Variants in PLA2G4C observed in about 807,000 individuals in gnomAD.
PLA2G4C encodes cytosolic phospholipase A2 gamma.
PLA2G4C carries 64 observed loss-of-function variants against 73.8 expected under a neutral mutation model. That is an observed-to-expected ratio of 0.87 (90% CI 0.71 to 1.07). The LOEUF (loss-of-function observed/expected upper bound fraction) is 1.07, where lower values mean the gene tolerates loss of function less well. Among genes scored for constraint, PLA2G4C ranks in the 50% least tolerant of loss-of-function variants. The pLI, the probability that PLA2G4C is intolerant of heterozygous loss-of-function variation, is 0.00. For synonymous variants in PLA2G4C, 254 were observed against 252.1 expected (o/e 1.01, Z -0.07); for missense variants, 622 against 665.4 (o/e 0.93, Z 0.72).
intron 3 of PLA2G4C, 118 bp downstream of exon 3, chr19:48,105,215 A>G (rs1653554): frequency 0.23 from 154,912 of 676,780 alleles, 24,883 homozygotes; most frequent in African/African-American, 0.67. Flanking sequence ...TTCTATTTCT[A>G]TCCCATAGAA....
chr19:48,101,127 T>TATATATATATATA (rs1491266778), intron 4 of PLA2G4C, among the ~76,000 whole-genome samples: 1 of 43,352 alleles, frequency 2.3e-5, no homozygotes, highest in African/African-American at 1.5e-4. Flanking sequence ...TATATATATA[T>TATATATATATATA]TTTTTTTTTT....
intron 12 of PLA2G4C, among the ~76,000 whole-genome samples, chr19:48,071,351 C>A (rs943700359): frequency 1.3e-5 from 2 of 151,962 alleles, no homozygotes; most frequent in African/African-American, 4.8e-5. Context: ...AGTGCAATGG[C>A]GTGATCTCAG....
At chr19:48,078,889 A>G (rs1221849366) in intron 10 of PLA2G4C, among the ~76,000 whole-genome samples, 1 of 72,174 alleles carries the variant, frequency 1.4e-5, no homozygotes, top group South Asian at 4.7e-4. Flanking sequence ...TTTTTTTTTG[A>G]GACTTAGTCT....
At chr19:48,056,644 A>C (rs367882786) in intron 14 of PLA2G4C, among the ~76,000 whole-genome samples, 5 of 151,594 alleles carry the variant, frequency 3.3e-5, no homozygotes, top group East Asian at 1.9e-4. Context: ...CATCCTGGCT[A>C]ACACAGTGAA....
At chr19:48,095,642 A>C (rs1386255297) in intron 6 of PLA2G4C, 38 bp from the exon 7 acceptor site, 1 of 1,609,790 alleles carries the variant, frequency 6.2e-7, no homozygotes, top group African/African-American at 1.3e-5. Flanking sequence ...GTCCCAGCAC[A>C]GAACCAGGAA....
intron 6 of PLA2G4C, 134 bp from the exon 7 acceptor site, chr19:48,095,738 C>G: frequency 1.1e-6 from 1 of 921,480 alleles, no homozygotes; most frequent in Non-Finnish European, 1.7e-6. Flanking sequence ...TGTGTGGTAT[C>G]AGAAACCACT....
chr19:48,077,351 A>AAAAT, intron 11 of PLA2G4C, among the ~76,000 whole-genome samples: 1 of 152,026 alleles, frequency 6.6e-6, no homozygotes, highest in Non-Finnish European at 1.5e-5. Context: ...CAGCTGCAAA[A>AAAAT]AAATAAAATA....
chr19:48,095,721 G>T, intron 6 of PLA2G4C, 117 bp from the exon 7 acceptor site: 1 of 1,079,226 alleles, frequency 9.3e-7, no homozygotes. Context: ...GAATGTTAGA[G>T]ATGGACTGTG....
Position 48,095,575 on chromosome 19 carries a change from C to A in PLA2G4C, c.598G>T (p.Ala200Ser). The A allele has an allele frequency of 6.2e-7, 1 of 1,613,964 alleles. No individual in the cohort carries two copies. The highest frequency in any genetic ancestry group is 8.5e-7 in the Non-Finnish European group (1 of 1,179,938). ...AAGGCCCCCAGTGCAGAGAAGCCAG[C>A]GTGGTGAGGGGTGAACTCGAACCAG... ...ETWFEFTPHHAGFSALGAFVS... is the reference protein window; with the variant it reads ...ETWFEFTPHHSGFSALGAFVS... Residue 200 changes from alanine (A) to serine (S), a missense_variant, in exon 7 of 17, where the codon GCT (alanine) becomes TCT (serine). By Grantham distance (99) the Ala-to-Ser change is moderately conservative. Coordinates refer to ENST00000599921, the MANE Select transcript of PLA2G4C (RefSeq NM_003706.3).
Position 48,101,744 on chromosome 19 carries a change from G to A in PLA2G4C, c.258-1884C>T, listed in dbSNP as rs1204850018. Among the ~76,000 whole-genome samples, 3 of 145,630 alleles carry A rather than the reference G, an allele frequency of 2.1e-5. No homozygotes were observed. The Admixed American group carries it at 2.1e-4, about 10-fold the overall frequency. On this transcript the variant is annotated intron_variant, in intron 4 of 16. Transcript: ENST00000599921. The stretch of plus-strand genomic sequence containing the variant: ...GGCTGAAGTACAGTGGTTCGAGCTC[G>A]GCTCACTGCAACCTCTGCCTCCCGG...
At chr19:48,074,683 C>T (rs1425737742) in intron 12 of PLA2G4C, 84 bp downstream of exon 12, 1 of 893,864 alleles carries the variant, frequency 1.1e-6, no homozygotes, top group Non-Finnish European at 1.9e-6. Context: ...GCAGGACTGG[C>T]CCACAGGGGT....
At chr19:48,048,498 G>A (rs1967604865) in intron 16 of PLA2G4C, 110 bp from the exon 17 acceptor site, 1 of 619,606 alleles carries the variant, frequency 1.6e-6, no homozygotes, top group African/African-American at 1.9e-5. Context: ...TGACTTAGGA[G>A]AAAGACATTC....
chr19:48,066,491 C>G (rs935519070), intron 13 of PLA2G4C, among the ~76,000 whole-genome samples: 1 of 151,918 alleles, frequency 6.6e-6, no homozygotes, highest in Admixed American at 6.6e-5. Context: ...GTAGGAAGCA[C>G]CCCAGGAGAG....
intron 5 of PLA2G4C, among the ~76,000 whole-genome samples, chr19:48,099,001 G>GAGAT (rs1410497939): frequency 6.6e-6 from 1 of 151,992 alleles, no homozygotes; most frequent in Non-Finnish European, 1.5e-5. Context: ...TCGGGAGGCT[G>GAGAT]AGATAGGAGG....
At chr19:48,092,491 G>C (rs1458072657) in intron 7 of PLA2G4C, among the ~76,000 whole-genome samples, 1 of 152,212 alleles carries the variant, frequency 6.6e-6, no homozygotes, top group East Asian at 1.9e-4. Context: ...ACAGCCAAAA[G>C]GTGAAAGCAA....
chr19:48,048,700 A>T (rs1549637), intron 16 of PLA2G4C, among the ~76,000 whole-genome samples: 111,430 of 152,122 alleles, frequency 0.73, 43,964 homozygotes, highest in Non-Finnish European at 0.86. Flanking sequence ...AATTCACAAG[A>T]TCTGATCTCT....
intron 10 of PLA2G4C, among the ~76,000 whole-genome samples, chr19:48,079,597 C>A (rs2030405566): frequency 6.6e-6 from 1 of 151,976 alleles, no homozygotes; most frequent in Non-Finnish European, 1.5e-5. Context: ...AAGATAACAT[C>A]AAAAAAACTC....
In PLA2G4C at chr19:48,062,202, C is replaced by A. The variant is rs549462331; in HGVS notation, c.1103-50G>T. On this transcript the variant is annotated intron_variant, in intron 13 of 16. Transcript: ENST00000599921. ...ATCAGCTGCTTCTGGGGACTGAAAG[C>A]AAGACTTGGAAATGGAAGGCAGAGA... 6.1e-6 allele frequency: 9 copies of A among 1,471,384 alleles called. No individual in the cohort carries two copies. The African/African-American group carries it at 1.0e-4, about 16-fold the overall frequency. 91.1% of individuals were successfully genotyped at this position (1,471,384 alleles called of 1,614,324 possible). A position where few individuals can be genotyped will look rare whatever the true frequency, so the allele number is the denominator to read the frequency against.
chr19:48,067,558 G>A (rs1166366835), intron 13 of PLA2G4C, among the ~76,000 whole-genome samples: 1 of 152,200 alleles, frequency 6.6e-6, no homozygotes, highest in South Asian at 2.1e-4. Context: ...AAAGCCATCA[G>A]TGAGGCTTTT....
Sources: gnomAD v4.1 joint callset for allele counts (sites outside exome capture counted in the v4.1 genomes callset) on GRCh38, gnomAD v4.1.1 for gene constraint, MANE v1.5 for transcripts, NCBI Gene and HGNC (gene_info 2026-07-23, HGNC 2026-07-21) for gene names.